CNTN5: variants seen among roughly 807,000 people sequenced by gnomAD.
The protein encoded by CNTN5 is contactin 5, also known as contactin-5.
In CNTN5, 77 loss-of-function variants were observed where a neutral mutation model predicts 129.1. The ratio of observed to expected loss-of-function variants is 0.60; its 90% CI spans 0.50 to 0.72. The LOEUF is 0.72. CNTN5 is among the 30% of genes least tolerant of loss of function. CNTN5 has a pLI of 0.00. For missense variants in CNTN5, 1,478 were observed against 1,328.8 expected (o/e 1.11, Z -1.75); for synonymous variants, 509 against 465.6 (o/e 1.09, Z -1.20).
At chr11:100,133,964 A>C (rs947587676) in intron 13 of CNTN5, among the ~76,000 whole-genome samples, 1 of 152,158 alleles carries the variant, frequency 6.6e-6, no homozygotes, top group South Asian at 2.1e-4. Flanking sequence ...GAACCAGGAA[A>C]AGCAAAAGCT....
intron 2 of CNTN5, among the ~76,000 whole-genome samples, chr11:99,392,337 G>A (rs1481170455): frequency 1.3e-5 from 2 of 151,608 alleles, no homozygotes; most frequent in Non-Finnish European, 3.0e-5. Context: ...AAAATAGGAG[G>A]GAGAAAAATA....
intron 13 of CNTN5, among the ~76,000 whole-genome samples, chr11:100,132,214 A>T (rs1946398331): frequency 6.6e-6 from 1 of 152,128 alleles, no homozygotes; most frequent in Admixed American, 6.6e-5. Flanking sequence ...ACGCTTATTC[A>T]GGTTTCTAAT....
chr11:99,027,987 A>G (rs958298393), intron 1 of CNTN5, among the ~76,000 whole-genome samples: 1 of 151,760 alleles, frequency 6.6e-6, no homozygotes, highest in Non-Finnish European at 1.5e-5. Context: ...AAAATAAAGA[A>G]AATATAAAAC....
intron 8 of CNTN5, among the ~76,000 whole-genome samples, chr11:99,984,254 G>A (rs1397809148): frequency 2.0e-5 from 3 of 151,822 alleles, no homozygotes; most frequent in Non-Finnish European, 4.4e-5. Context: ...TCCCACCTGG[G>A]TGTCAGCTAG....
Position 99,382,844 on chromosome 11 carries a change from A to AGT in CNTN5, c.-71+57360_-71+57361insGT, listed in dbSNP as rs774797660. 7.1e-4 allele frequency among the ~76,000 whole-genome samples: 49 copies of AGT among 69,420 alleles called. 3 individuals are homozygous for AGT. In the East Asian group the frequency reaches 0.012, roughly 16 times the overall value. The allele number at this position is 69,420 out of a possible 152,430, so 45.5% of individuals were successfully genotyped here. On this transcript the variant is annotated intron_variant, in intron 2 of 24. Transcript: ENST00000524871. ...CACATCTCACTAGTGTCTCTAAATAACTTTTTTTTTTTTTTTTTTTTTTTT... is the reference window on the plus strand; with the variant it reads ...CACATCTCACTAGTGTCTCTAAATAAGTCTTTTTTTTTTTTTTTTTTTTTTTT...
chr11:99,513,858 T>A (rs990071753), intron 2 of CNTN5, among the ~76,000 whole-genome samples: 1 of 152,130 alleles, frequency 6.6e-6, no homozygotes, highest in African/African-American at 2.4e-5. Flanking sequence ...GAATATCCAT[T>A]CTGTAGCCCA....
At chr11:99,451,753 G>A (rs960936864) in intron 2 of CNTN5, among the ~76,000 whole-genome samples, 2 of 152,004 alleles carry the variant, frequency 1.3e-5, no homozygotes, top group Non-Finnish European at 2.9e-5. Flanking sequence ...CTAACATGCT[G>A]TATACACACT....
intron 1 of CNTN5, among the ~76,000 whole-genome samples, chr11:99,175,437 G>A (rs1315029514): frequency 6.6e-6 from 1 of 151,972 alleles, no homozygotes; most frequent in Non-Finnish European, 1.5e-5. Flanking sequence ...GACTGTTCTA[G>A]CAACCTTTAG....
intron 13 of CNTN5, among the ~76,000 whole-genome samples, chr11:100,107,131 C>CTAA (rs1182497825): frequency 6.6e-6 from 1 of 152,104 alleles, no homozygotes; most frequent in Non-Finnish European, 1.5e-5. Context: ...ACAAAGTGGA[C>CTAA]TAATAATAAA....
chr11:99,583,857 A>G (rs932337367), intron 3 of CNTN5, among the ~76,000 whole-genome samples: 3 of 152,092 alleles, frequency 2.0e-5, no homozygotes, highest in Non-Finnish European at 4.4e-5. Context: ...TGCACTCCCC[A>G]GTGAGATGAA....
chr11:99,208,004 T>C (rs1437552857), intron 1 of CNTN5, among the ~76,000 whole-genome samples: 2 of 152,204 alleles, frequency 1.3e-5, no homozygotes, highest in African/African-American at 4.8e-5. Flanking sequence ...AGTTTCACAG[T>C]TGTGTTTAAT....
chr11:99,299,585 G>T (rs917750585), intron 1 of CNTN5, among the ~76,000 whole-genome samples: 1 of 152,088 alleles, frequency 6.6e-6, no homozygotes, highest in South Asian at 2.1e-4. Context: ...GTCACTTATT[G>T]CCCATTGTAT....
At chr11:99,272,041 T>C (rs1165853112) in intron 1 of CNTN5, among the ~76,000 whole-genome samples, 2 of 151,940 alleles carry the variant, frequency 1.3e-5, no homozygotes. Context: ...CAGTCAACCC[T>C]ACAAGGTTTA....
intron 3 of CNTN5, among the ~76,000 whole-genome samples, chr11:99,716,617 C>A (rs140079255): frequency 6.6e-6 from 1 of 152,074 alleles, no homozygotes; most frequent in Non-Finnish European, 1.5e-5. Flanking sequence ...CTATCTCAAA[C>A]TACATGCAGC....
chr11:99,892,732 T>A (rs554868282), intron 6 of CNTN5, among the ~76,000 whole-genome samples: 27 of 152,176 alleles, frequency 1.8e-4, no homozygotes, highest in Non-Finnish European at 3.5e-4. Context: ...TACTGTAGCC[T>A]TGTAGTATAG....
chr11:99,105,635 T>C (rs184912396), intron 1 of CNTN5, among the ~76,000 whole-genome samples: 41 of 152,284 alleles, frequency 2.7e-4, no homozygotes, highest in African/African-American at 9.1e-4. Context: ...AGAGCATCAT[T>C]TTGCTGTCGT....
intron 2 of CNTN5, among the ~76,000 whole-genome samples, chr11:99,410,982 C>G (rs116429207): frequency 1.3e-5 from 2 of 152,110 alleles, no homozygotes; most frequent in Non-Finnish European, 2.9e-5. Flanking sequence ...AATTTATTTG[C>G]GTATATTGAG....
intron 2 of CNTN5, among the ~76,000 whole-genome samples, chr11:99,377,826 T>C (rs2136149937): frequency 6.6e-6 from 1 of 152,264 alleles, no homozygotes; most frequent in Non-Finnish European, 1.5e-5. Flanking sequence ...TTGCCTTTTC[T>C]CTGGCTAGCT....
chr11:99,714,281 C>T (rs561699391), intron 3 of CNTN5, among the ~76,000 whole-genome samples: 2 of 151,980 alleles, frequency 1.3e-5, no homozygotes, highest in Admixed American at 1.3e-4. Context: ...TTGTGTTCCT[C>T]TATAAATCAC....
Sources: allele counts gnomAD v4.1 joint callset (sites outside exome capture counted in the v4.1 genomes callset), GRCh38; gene constraint gnomAD v4.1.1; transcripts MANE v1.5; gene names NCBI Gene and HGNC (gene_info 2026-07-23, HGNC 2026-07-21).